Variants in FYB1 observed in about 807,000 individuals in gnomAD.
FYB1 encodes FYN binding protein 1, also known as FYN-binding protein 1.
A neutral mutation model predicts 94.1 loss-of-function variants in FYB1; 41 were observed. The ratio of observed to expected loss-of-function variants is 0.44; its 90% CI spans 0.34 to 0.57. The LOEUF is 0.57. Ranked by LOEUF, FYB1 falls within the 20% of genes least tolerant of loss-of-function variation. The pLI, the probability that FYB1 is intolerant of heterozygous loss-of-function variation, is 0.02. For missense variants in FYB1, 1,050 were observed against 976.8 expected, an observed-to-expected ratio of 1.07 and a Z score of -1.00; for synonymous variants, 367 against 353.2, an observed-to-expected ratio of 1.04 and a Z score of -0.44.
intron 2 of FYB1, 44 bp from the exon 3 acceptor site, chr5:39,153,648 C>A: frequency 1.3e-6 from 2 of 1,537,094 alleles, no homozygotes; most frequent in Admixed American, 2.2e-5. Flanking sequence ...GACAAATCTT[C>A]AAAAAGAAGA....
Position 39,122,753 on chromosome 5 carries a change from G to A in FYB1, c.2072-351C>T, listed in dbSNP as rs1000426279. Among the ~76,000 whole-genome samples, 4 of 152,116 alleles carry A rather than the reference G, an allele frequency of 2.6e-5. No individual in the cohort carries two copies. The East Asian group carries it at 5.8e-4, about 22-fold the overall frequency. On this transcript the variant is annotated intron_variant, in intron 13 of 18. Transcript: ENST00000512982. ...AACAAATCAACATTACTGGCCACTG[G>A]CAGGATGAAGTAGAGACAGAAATTG...
At chr5:39,195,689 G>C (rs1334802051) in intron 2 of FYB1, among the ~76,000 whole-genome samples, 1 of 152,088 alleles carries the variant, frequency 6.6e-6, no homozygotes, top group Non-Finnish European at 1.5e-5. Context: ...TTAAGAACAA[G>C]ACTAGAAAAA....
chr5:39,108,269 A>G lies in FYB1; in HGVS notation c.2436-7T>C. The G allele has an allele frequency of 6.6e-7, 1 of 1,523,644 alleles. No individual in the cohort carries two copies. Among genetic ancestry groups the G allele is most frequent in the South Asian group, 1.2e-5 (1 of 81,770 alleles). The allele number at this position is 1,523,644 out of a possible 1,614,324, so 94.4% of individuals were successfully genotyped here. Reference sequence around the variant, plus strand: ...ATCATAGATCTCTCCATCACTGTAAATGTAAAAAAAAATTTTTATTTTAAA... The same window carrying G: ...ATCATAGATCTCTCCATCACTGTAAGTGTAAAAAAAAATTTTTATTTTAAA... On this transcript the variant is annotated splice_region_variant and splice_polypyrimidine_tract_variant and intron_variant, in intron 17 of 18. Coordinates refer to ENST00000512982, the MANE Select transcript of FYB1 (RefSeq NM_001465.6).
At position 39,219,526 on chromosome 5, in the gene FYB1, C is replaced by G; in HGVS notation, c.-111G>C. 1 of 985,476 alleles carries G rather than the reference C, an allele frequency of 1.0e-6. No homozygotes were observed. Among genetic ancestry groups the G allele is most frequent in the Non-Finnish European group, 1.2e-6 (1 of 829,942 alleles). 61.0% of individuals were successfully genotyped at this position (985,476 alleles called of 1,614,324 possible). A position where few individuals can be genotyped will look rare whatever the true frequency, so the allele number is the denominator to read the frequency against. ...GGGTCTGGGCCCTACTCACTTCTAG[C>G]TGTCGCATCTGCTCTGCATGTGGAA... On this transcript the variant is annotated 5_prime_UTR_variant, in exon 1 of 19. Coordinates refer to ENST00000512982, the MANE Select transcript of FYB1 (RefSeq NM_001465.6).
In FYB1 at chr5:39,202,223, T is replaced by C; in HGVS notation, c.738A>G (p.Glu246=). ...AAATCTCCCCTGCATGGTCTTTATT[T>C]TCTGAGTCTTCCCTTGCTGGTTTTA... ...GPLKPAREDS[E]NKDHAGEISS... Residue 246 remains glutamate (E), a synonymous_variant, in exon 2 of 19, where the codon GAA becomes GAG. Transcript: ENST00000512982. The C allele has an allele frequency of 6.2e-7, 1 of 1,614,000 alleles. No homozygotes were observed.
intron 11 of FYB1, among the ~76,000 whole-genome samples, chr5:39,127,343 T>C (rs1388722212): frequency 4.0e-5 from 6 of 151,112 alleles, no homozygotes; most frequent in Admixed American, 3.3e-4. Flanking sequence ...TCAGGGATTG[T>C]TGTAAAAGTA....
chr5:39,274,303 C>T (rs1404581839), intron 1 of FYB1: 2 of 152,152 alleles, frequency 1.3e-5, no homozygotes, highest in African/African-American at 4.8e-5. Context: ...GAATGTCTAA[C>T]ATTTTATACA....
At chr5:39,207,707 G>T (rs1748983764) in intron 1 of FYB1, among the ~76,000 whole-genome samples, 1 of 143,132 alleles carries the variant, frequency 7.0e-6, no homozygotes, top group Admixed American at 7.1e-5. Context: ...TAGTTTTATT[G>T]TTATATTACT....
intron 12 of FYB1, among the ~76,000 whole-genome samples, chr5:39,124,915 C>CCACACACA (rs56887056): frequency 0.014 from 1,901 of 139,526 alleles, 37 homozygotes; most frequent in East Asian, 0.039. Flanking sequence ...TAAATACACT[C>CCACACACA]CACACACACA....
At chr5:39,254,361 T>C (rs1470783691) in intron 1 of FYB1, among the ~76,000 whole-genome samples, 1 of 152,210 alleles carries the variant, frequency 6.6e-6, no homozygotes, top group East Asian at 1.9e-4. Context: ...GCATCTGTTA[T>C]TTTTTGACTT....
intron 3 of FYB1, among the ~76,000 whole-genome samples, chr5:39,145,266 G>A: frequency 6.6e-6 from 1 of 152,174 alleles, no homozygotes; most frequent in East Asian, 1.9e-4. Flanking sequence ...ATAGATTTAT[G>A]AGAGTCATTT....
At chr5:39,148,381 GTTTTTTTTTTT>G (rs538508812) in intron 3 of FYB1, among the ~76,000 whole-genome samples, 141 of 38,148 alleles carry the variant, frequency 3.7e-3, no homozygotes, top group Non-Finnish European at 5.9e-3. Flanking sequence ...TTATCAGCAG[GTTTTTTTTTTT>G]TTTTTTTTTT....
chr5:39,193,436 G>A (rs1045785119), intron 2 of FYB1, among the ~76,000 whole-genome samples: 2 of 152,096 alleles, frequency 1.3e-5, no homozygotes, highest in African/African-American at 2.4e-5. Flanking sequence ...ACTCACTAGC[G>A]GTCACCTCAC....
At chr5:39,243,380 C>G (rs1751309618) in intron 1 of FYB1, among the ~76,000 whole-genome samples, 1 of 151,406 alleles carries the variant, frequency 6.6e-6, no homozygotes, top group African/African-American at 2.5e-5. Flanking sequence ...TTTCCCAGCA[C>G]CATTTATTAA....
intron 1 of FYB1, among the ~76,000 whole-genome samples, chr5:39,203,209 C>T (rs1045781917): frequency 9.2e-5 from 14 of 152,126 alleles, no homozygotes; most frequent in Admixed American, 2.6e-4. Context: ...TTGCTTATCT[C>T]GGACTGACTT....
intron 16 of FYB1, among the ~76,000 whole-genome samples, chr5:39,116,214 T>C (rs1739554332): frequency 6.6e-6 from 1 of 152,170 alleles, no homozygotes; most frequent in Admixed American, 6.6e-5. Context: ...AATCACTTTA[T>C]GGGGAAGCCA....
intron 16 of FYB1, chr5:39,110,813 T>C: frequency 2.7e-6 from 1 of 372,392 alleles, no homozygotes; most frequent in South Asian, 2.0e-5. Flanking sequence ...TTTCTAAAAT[T>C]TTATTATATT....
chr5:39,172,303 A>T (rs1395522772), intron 2 of FYB1, among the ~76,000 whole-genome samples: 1 of 152,038 alleles, frequency 6.6e-6, no homozygotes, highest in Non-Finnish European at 1.5e-5. Flanking sequence ...AAAATCAGCC[A>T]GGCATAGTGG....
At chr5:39,206,630 A>G (rs1254321207) in intron 1 of FYB1, among the ~76,000 whole-genome samples, 1 of 152,220 alleles carries the variant, frequency 6.6e-6, no homozygotes, top group African/African-American at 2.4e-5. Flanking sequence ...TTACCAGTAC[A>G]GTATGAGTTT....
Sources: gnomAD v4.1 joint callset for allele counts (sites outside exome capture counted in the v4.1 genomes callset) on GRCh38, gnomAD v4.1.1 for gene constraint, MANE v1.5 for transcripts, NCBI Gene and HGNC (gene_info 2026-07-23, HGNC 2026-07-21) for gene names.